The following HS1BP3 variants were observed in gnomAD, a reference collection of about 807,000 sequenced individuals.
The protein encoded by HS1BP3 is HCLS1 binding protein 3.
Under a neutral mutation model 33.5 loss-of-function variants are expected in HS1BP3, and 32 were observed. The ratio of observed to expected loss-of-function variants is 0.95; its 90% CI spans 0.72 to 1.28. The LOEUF is 1.28. HS1BP3 is among the 50% of genes most tolerant of loss of function. HS1BP3 has a pLI of 0.00. For synonymous variants in HS1BP3, 187 were observed against 209.2 expected, an observed-to-expected ratio of 0.89 and a Z score of 0.92; for missense variants, 486 against 502.3, an observed-to-expected ratio of 0.97 and a Z score of 0.31.
intron 5 of HS1BP3, among the ~76,000 whole-genome samples, chr2:20,582,618 C>A (rs1693560822): frequency 6.6e-6 from 1 of 152,142 alleles, no homozygotes. Context: ...GCACCCCCAT[C>A]CTTGGCATCA....
intron 5 of HS1BP3, among the ~76,000 whole-genome samples, chr2:20,585,067 C>G (rs927065910): frequency 6.6e-6 from 1 of 152,194 alleles, no homozygotes; most frequent in African/African-American, 2.4e-5. Context: ...CTCCTCCCAC[C>G]AAGGACAACC....
intron 5 of HS1BP3, among the ~76,000 whole-genome samples, chr2:20,571,192 T>G (rs977850744): frequency 3.3e-5 from 5 of 152,224 alleles, no homozygotes; most frequent in African/African-American, 1.2e-4. Flanking sequence ...TGGCTGTTCC[T>G]TGACGGTACC....
At chr2:20,569,800 AG>A (rs1461956699) in intron 5 of HS1BP3, among the ~76,000 whole-genome samples, 25 of 152,342 alleles carry the variant, frequency 1.6e-4, no homozygotes, top group African/African-American at 5.8e-4. Context: ...TAGAGTATCC[AG>A]GAAGCCCAAG....
chr2:20,642,290 C>T (rs1695377769), intron 2 of HS1BP3, among the ~76,000 whole-genome samples: 1 of 152,160 alleles, frequency 6.6e-6, no homozygotes, highest in African/African-American at 2.4e-5. Context: ...GTGTCTGGAA[C>T]ACACATCCTT....
intron 5 of HS1BP3, among the ~76,000 whole-genome samples, chr2:20,562,352 G>A (rs1031267905): frequency 2.0e-5 from 3 of 152,256 alleles, no homozygotes; most frequent in Non-Finnish European, 2.9e-5. Context: ...GGTAGCATGT[G>A]CCTATAGTCC....
Position 20,619,210 on chromosome 2 carries a change from C to A in HS1BP3, c.956G>T (p.Gly319Val), listed in dbSNP as rs1219047458. The A allele has an allele frequency of 1.9e-6, 3 of 1,612,544 alleles. No individual in the cohort carries two copies. Among genetic ancestry groups the A allele is most frequent in the Non-Finnish European group, 1.7e-6 (2 of 1,179,118 alleles). ...EEDLDQILNL[G>V]AEPKPKPQLK... is the part of the protein sequence containing the mutation. ...CTGGGGCTTGGGTTTGGGCTCAGCT[C>A]CCAGGTTCAGAATCTGGTCCAAGTC... Residue 319 changes from glycine (G) to valine (V), a missense_variant, in exon 7 of 7, where the codon GGA becomes GTA. Gly to Val is a moderately radical substitution (Grantham distance 109). Transcript: ENST00000304031.
intron 5 of HS1BP3, among the ~76,000 whole-genome samples, chr2:20,570,571 G>C (rs11691255): frequency 0.063 from 9,562 of 152,234 alleles, 479 homozygotes; most frequent in South Asian, 0.15. Flanking sequence ...AGGATGGTGG[G>C]AGAGAGATGG....
At chr2:20,597,733 A>G (rs1301842261) in intron 3 of HS1BP3, among the ~76,000 whole-genome samples, 1 of 152,240 alleles carries the variant, frequency 6.6e-6, no homozygotes, top group Non-Finnish European at 1.5e-5. Context: ...CTATGCATTT[A>G]TTATGGAAAT....
downstream of HS1BP3, among the ~76,000 whole-genome samples, chr2:20,589,646 AG>A (rs1449871363): frequency 1.3e-5 from 2 of 152,222 alleles, no homozygotes; most frequent in Non-Finnish European, 2.9e-5. Flanking sequence ...ACCAAGTTCT[AG>A]GGTGATAAGC....
intron 5 of HS1BP3, among the ~76,000 whole-genome samples, chr2:20,561,051 C>A (rs765912457): frequency 3.9e-5 from 6 of 152,222 alleles, no homozygotes; most frequent in Non-Finnish European, 8.8e-5. Flanking sequence ...CATCCCAGGT[C>A]TCTCCAGGTC....
At chr2:20,558,970 G>T (rs1692907898), downstream of HS1BP3, among the ~76,000 whole-genome samples, 1 of 152,190 alleles carries the variant, frequency 6.6e-6, no homozygotes, top group Non-Finnish European at 1.5e-5. Flanking sequence ...GTGTGACCTG[G>T]ATGTGCTGCA....
At chr2:20,626,216 C>G (rs1694779857) in intron 4 of HS1BP3, among the ~76,000 whole-genome samples, 1 of 152,222 alleles carries the variant, frequency 6.6e-6, no homozygotes, top group Admixed American at 6.5e-5. Context: ...GGTGACCATT[C>G]CCACAGTCTG....
intron 1 of HS1BP3, among the ~76,000 whole-genome samples, chr2:20,649,973 A>G (rs1326746961): frequency 2.6e-5 from 4 of 152,316 alleles, no homozygotes; most frequent in South Asian, 4.1e-4. Flanking sequence ...ATGCCTGCCA[A>G]TCTGAAACCT....
intron 5 of HS1BP3, among the ~76,000 whole-genome samples, chr2:20,583,378 C>T (rs1267677265): frequency 7.1e-6 from 1 of 140,694 alleles, no homozygotes; most frequent in African/African-American, 3.2e-5. Context: ...ACTATGGGGG[C>T]AGCTTACTGG....
At chr2:20,622,061 G>T (rs1388248935) in intron 6 of HS1BP3, 2 of 586,410 alleles carry the variant, frequency 3.4e-6, no homozygotes, top group Admixed American at 3.8e-5. Flanking sequence ...GCCCTGGTGT[G>T]GCTGCACAGC....
At chr2:20,582,467 G>A (rs1693557466) in intron 5 of HS1BP3, among the ~76,000 whole-genome samples, 1 of 152,050 alleles carries the variant, frequency 6.6e-6, no homozygotes, top group Non-Finnish European at 1.5e-5. Flanking sequence ...GAGGGGTGGG[G>A]GTAGCAGGCT....
intron 2 of HS1BP3, 150 bp from the exon 3 acceptor site, chr2:20,641,330 A>G: frequency 1.5e-6 from 1 of 666,950 alleles, no homozygotes; most frequent in African/African-American, 1.8e-5. Flanking sequence ...TCCCAGCCTC[A>G]GGCTCCAGTC....
intron 1 of HS1BP3, among the ~76,000 whole-genome samples, chr2:20,649,693 C>A (rs1402573856): frequency 6.6e-6 from 1 of 152,180 alleles, no homozygotes; most frequent in African/African-American, 2.4e-5. Flanking sequence ...TGGGGTGCGA[C>A]TGGGAAGGGC....
At chr2:20,604,372 G>A (rs899153486) in intron 2 of HS1BP3, among the ~76,000 whole-genome samples, 2 of 152,126 alleles carry the variant, frequency 1.3e-5, no homozygotes, top group Non-Finnish European at 2.9e-5. Flanking sequence ...AGACTGCCCC[G>A]GGACAGCCTT....
Sources: gnomAD v4.1 joint callset for allele counts (sites outside exome capture counted in the v4.1 genomes callset) on GRCh38, gnomAD v4.1.1 for gene constraint, MANE v1.5 for transcripts, NCBI Gene and HGNC (gene_info 2026-07-23, HGNC 2026-07-21) for gene names.